EPB41: variants seen among roughly 807,000 people sequenced by gnomAD.
The protein encoded by EPB41 is protein 4.1.
EPB41 carries 65 observed loss-of-function variants against 108.0 expected under a neutral mutation model. The ratio of observed to expected loss-of-function variants is 0.60; its 90% CI spans 0.49 to 0.74. The LOEUF (loss-of-function observed/expected upper bound fraction) is 0.74. EPB41 is among the 30% of genes least tolerant of loss of function. The pLI, the probability that EPB41 is intolerant of heterozygous loss-of-function variation, is 0.00. For synonymous variants in EPB41, 336 were observed against 358.9 expected, an observed-to-expected ratio of 0.94 and a Z score of 0.72; for missense variants, 875 against 1,037.0, an observed-to-expected ratio of 0.84 and a Z score of 2.15.
Position 29,118,658 on chromosome 1 carries a change from T to G in EPB41, c.*1846T>G, listed in dbSNP as rs950406999. The G allele has an allele frequency of 1.3e-5, 2 of 152,230 alleles. No individual in the cohort carries two copies. Among genetic ancestry groups the G allele is most frequent in the Non-Finnish European group, 2.9e-5 (2 of 68,126 alleles). The allele number at this position is 152,230 out of a possible 1,614,324, so 9.4% of individuals were successfully genotyped here. On this transcript the variant is annotated 3_prime_UTR_variant, in exon 21 of 21. Transcript: ENST00000343067. ...TTGAACTCATTTCGGGTGTGTGCATTTTTCTTTTGGTACCCATGTGAGACA... is the reference window on the plus strand; with the variant it reads ...TTGAACTCATTTCGGGTGTGTGCATGTTTCTTTTGGTACCCATGTGAGACA...
chr1:28,890,984 C>T, intron 1 of EPB41: 1 of 985,448 alleles, frequency 1.0e-6, no homozygotes, highest in Non-Finnish European at 1.2e-6. Flanking sequence ...ACAAGCTGTG[C>T]TGCCTCTGTT....
chr1:29,087,946 T>C (rs577163730), intron 16 of EPB41, among the ~76,000 whole-genome samples: 6 of 152,276 alleles, frequency 3.9e-5, no homozygotes, highest in Non-Finnish European at 5.9e-5. Flanking sequence ...ATATTCTTTT[T>C]TTCATATTAT....
intron 7 of EPB41, among the ~76,000 whole-genome samples, chr1:29,026,609 A>G (rs1200968551): frequency 6.6e-6 from 1 of 152,210 alleles, no homozygotes; most frequent in Non-Finnish European, 1.5e-5. Flanking sequence ...TCGTGAGTCC[A>G]TACTGACATA....
chr1:29,067,413 G>A (rs996119079), intron 16 of EPB41, among the ~76,000 whole-genome samples: 14 of 148,106 alleles, frequency 9.5e-5, no homozygotes, highest in Non-Finnish European at 1.5e-4. Context: ...GGAGAATGGC[G>A]TAAACCTGGG....
chr1:28,906,838 C>A (rs983886673), intron 1 of EPB41, among the ~76,000 whole-genome samples: 1 of 149,382 alleles, frequency 6.7e-6, no homozygotes, highest in Non-Finnish European at 1.5e-5. Flanking sequence ...TGCAGTAGTG[C>A]GATCTCAGCT....
chr1:29,055,773 C>A (rs1573233547), intron 12 of EPB41, among the ~76,000 whole-genome samples: 1 of 149,904 alleles, frequency 6.7e-6, no homozygotes, highest in Non-Finnish European at 1.5e-5. Context: ...ACTAAAAATA[C>A]AAAAATTAGC....
At chr1:29,059,306 A>G (rs930361791) in intron 14 of EPB41, among the ~76,000 whole-genome samples, 4 of 152,128 alleles carry the variant, frequency 2.6e-5, no homozygotes, top group Non-Finnish European at 5.9e-5. Flanking sequence ...ATCCTGTACT[A>G]TATGTTGAAA....
At chr1:28,922,170 G>C (rs959280875) in intron 1 of EPB41, among the ~76,000 whole-genome samples, 1 of 151,140 alleles carries the variant, frequency 6.6e-6, no homozygotes, top group Admixed American at 6.6e-5. Context: ...GGGTTTCACC[G>C]TGTTGGTTAG....
At chr1:29,105,566 T>G (rs963466618) in intron 17 of EPB41, among the ~76,000 whole-genome samples, 1 of 152,064 alleles carries the variant, frequency 6.6e-6, no homozygotes, top group Admixed American at 6.6e-5. Flanking sequence ...AATATAATAT[T>G]TTTTAGATTC....
At chr1:29,113,137 AT>A (rs200572981) in intron 19 of EPB41, among the ~76,000 whole-genome samples, 3,508 of 152,228 alleles carry the variant, frequency 0.023, 73 homozygotes, top group Non-Finnish European at 0.034. Flanking sequence ...CTATATTTTT[AT>A]GTTAATTGGG....
chr1:28,901,031 G>A (rs1158389822), intron 1 of EPB41, among the ~76,000 whole-genome samples: 1 of 152,040 alleles, frequency 6.6e-6, no homozygotes, highest in Non-Finnish European at 1.5e-5. Context: ...CCGGGTTCAT[G>A]CCATTCTCCT....
At position 29,058,865 on chromosome 1, in the gene EPB41, T is replaced by C; in HGVS notation, c.1944+13T>C. The C allele has an allele frequency of 6.5e-7, 1 of 1,550,262 alleles. No individual in the cohort carries two copies. Among genetic ancestry groups the C allele is most frequent in the Non-Finnish European group, 8.7e-7 (1 of 1,145,780 alleles). On this transcript the variant is annotated intron_variant, in intron 14 of 20. Coordinates refer to ENST00000343067, the MANE Select transcript of EPB41 (RefSeq NM_001376013.1). ...AAGAATGAGGAAGGTTAGCCATTTTTCACTTTCACAAAACTACATTGCCAT... is the reference window on the plus strand; with the variant it reads ...AAGAATGAGGAAGGTTAGCCATTTTCCACTTTCACAAAACTACATTGCCAT...
intron 1 of EPB41, among the ~76,000 whole-genome samples, chr1:28,935,493 CTAACTGCTTA>C (rs1386901176): frequency 5.6e-5 from 4 of 71,720 alleles, no homozygotes; most frequent in Non-Finnish European, 8.9e-5. Context: ...GATCTACGCA[CTAACTGCTTA>C]TAACTGCTTA....
Position 29,117,250 on chromosome 1 carries a change from A to C in EPB41, c.*438A>C, listed in dbSNP as rs923385708. 5 of 152,632 alleles carry C rather than the reference A, an allele frequency of 3.3e-5. No homozygotes were observed. Among genetic ancestry groups the C allele is most frequent in the Non-Finnish European group, 1.5e-5 (1 of 68,062 alleles). 9.5% of individuals were successfully genotyped at this position (152,632 alleles called of 1,614,324 possible). ...TAGTGGGACTTCCGCGTCTCTCCCT[A>C]GTCTTATCCCCTTTGGATGATGGCA... On this transcript the variant is annotated 3_prime_UTR_variant, in exon 21 of 21. Coordinates refer to ENST00000343067, the MANE Select transcript of EPB41 (RefSeq NM_001376013.1).
rs145925399 is a variant in EPB41, at chr1:29,094,555, G to C, written c.2185-3252G>C. Reference sequence around the variant, plus strand: ...AGCCTCCCAGAGTGCTGGGATTACAGACATGAACCACCATGCCCAGCCTAC... The same window carrying C: ...AGCCTCCCAGAGTGCTGGGATTACACACATGAACCACCATGCCCAGCCTAC... On this transcript the variant is annotated intron_variant, in intron 16 of 20. Coordinates refer to ENST00000343067, the MANE Select transcript of EPB41 (RefSeq NM_001376013.1). Among the ~76,000 whole-genome samples the C allele has an allele frequency of 3.3e-5, 5 of 152,316 alleles. No individual in the cohort carries two copies. In the East Asian group the frequency reaches 9.6e-4, roughly 29 times the overall value.
intron 1 of EPB41, among the ~76,000 whole-genome samples, chr1:28,962,884 A>G (rs2095259784): frequency 6.6e-6 from 1 of 152,044 alleles, no homozygotes; most frequent in East Asian, 1.9e-4. Flanking sequence ...ACAGATTTTT[A>G]TGGTTTTTTT....
At chr1:28,925,880 A>G (rs1273013354) in intron 1 of EPB41, among the ~76,000 whole-genome samples, 1 of 152,144 alleles carries the variant, frequency 6.6e-6, no homozygotes, top group African/African-American at 2.4e-5. Flanking sequence ...ACGATCCTTC[A>G]TTTAGTACAT....
chr1:28,892,137 C>A (rs2090188585), intron 1 of EPB41, among the ~76,000 whole-genome samples: 3 of 148,142 alleles, frequency 2.0e-5, no homozygotes, highest in Admixed American at 1.4e-4. Context: ...CCATTTATTG[C>A]ACAGTTGCCG....
intron 4 of EPB41, among the ~76,000 whole-genome samples, chr1:29,011,411 A>G (rs1192531052): frequency 6.6e-6 from 1 of 152,060 alleles, no homozygotes; most frequent in Non-Finnish European, 1.5e-5. Flanking sequence ...ACTAAAGGTC[A>G]GGGTTGGAGG....
Sources: allele counts gnomAD v4.1 joint callset (sites outside exome capture counted in the v4.1 genomes callset), GRCh38; gene constraint gnomAD v4.1.1; transcripts MANE v1.5; gene names NCBI Gene and HGNC (gene_info 2026-07-23, HGNC 2026-07-21).